The following TLR6 variants were observed in gnomAD, a reference collection of about 807,000 sequenced individuals.
The protein encoded by TLR6 is toll-like receptor 6.
In TLR6, 9 loss-of-function variants were observed where a neutral mutation model predicts 16.1. That is an observed-to-expected ratio of 0.56 (90% CI 0.34 to 0.98). The LOEUF is 0.98. Among genes scored for constraint, TLR6 ranks in the 50% least tolerant of loss-of-function variants. TLR6 has a pLI of 0.02. For missense variants in TLR6, 786 were observed against 921.0 expected (o/e 0.85, Z 1.90); for synonymous variants, 340 against 338.6 (o/e 1.00, Z -0.04).
chr4:38,862,590 ATTTTTTTTTT>A, the TLR6 span, among the ~76,000 whole-genome samples: 5 of 73,718 alleles, frequency 6.8e-5, no homozygotes, highest in Non-Finnish European at 1.2e-4. Flanking sequence ...CCCAATCACC[ATTTTTTTTTT>A]TTTTTTTTTT....
chr4:38,844,108 C>T (rs571786689), intron 1 of TLR6, among the ~76,000 whole-genome samples: 41 of 152,320 alleles, frequency 2.7e-4, no homozygotes, highest in Admixed American at 9.2e-4. Context: ...AAACTTTACA[C>T]TTAGTGATGG....
the TLR6 span, chr4:38,867,642 G>C: frequency 6.6e-6 from 1 of 151,808 alleles, no homozygotes; most frequent in East Asian, 1.9e-4. Flanking sequence ...CAGGAGACTC[G>C]CCCAGCGCGG....
At chr4:38,827,646 C>A (rs367846255) in exon 2 of TLR6, 17 of 1,614,088 alleles carry the variant, frequency 1.1e-5, no homozygotes, top group Non-Finnish European at 1.4e-5. Flanking sequence ...CAGGGCAGAT[C>A]CAAGTAGATG....
At chr4:38,835,251 T>C (rs1347329303) in intron 1 of TLR6, among the ~76,000 whole-genome samples, 1 of 152,018 alleles carries the variant, frequency 6.6e-6, no homozygotes, top group Admixed American at 6.6e-5. Context: ...AAGACACATA[T>C]AGACTGAAAT....
intron 1 of TLR6, among the ~76,000 whole-genome samples, chr4:38,835,820 C>T (rs1395928011): frequency 6.6e-6 from 1 of 152,064 alleles, no homozygotes; most frequent in Non-Finnish European, 1.5e-5. Context: ...ACAAGATGAA[C>T]TTTTGAAACT....
At chr4:38,823,687 T>C (rs1413930206), downstream of TLR6, 3 of 152,244 alleles carry the variant, frequency 2.0e-5, no homozygotes, top group Non-Finnish European at 4.4e-5. Flanking sequence ...TCCTTTTCGC[T>C]TTTTTGTTTT....
chr4:38,840,853 T>C (rs560184483), intron 1 of TLR6, among the ~76,000 whole-genome samples: 1 of 152,234 alleles, frequency 6.6e-6, no homozygotes, highest in Non-Finnish European at 1.5e-5. Flanking sequence ...AAACAAGCAG[T>C]GCCACATCGA....
chr4:38,842,513 G>C (rs185573669), intron 1 of TLR6, among the ~76,000 whole-genome samples: 52 of 152,244 alleles, frequency 3.4e-4, no homozygotes, highest in Non-Finnish European at 5.3e-4. Flanking sequence ...AGAGGGGTGG[G>C]ACTAAAATTA....
intron 1 of TLR6, among the ~76,000 whole-genome samples, chr4:38,840,569 G>T (rs1712206503): frequency 6.6e-6 from 1 of 151,798 alleles, no homozygotes; most frequent in South Asian, 2.1e-4. Context: ...GGGAGGTGGA[G>T]GTTGCAATGA....
At chr4:38,836,998 G>A (rs946445646) in intron 1 of TLR6, among the ~76,000 whole-genome samples, 1 of 149,076 alleles carries the variant, frequency 6.7e-6, no homozygotes, top group African/African-American at 2.5e-5. Flanking sequence ...ATAGCTACAA[G>A]ACAATTACAA....
intron 1 of TLR6, among the ~76,000 whole-genome samples, chr4:38,844,848 G>A (rs1259026074): frequency 6.6e-6 from 1 of 152,140 alleles, no homozygotes; most frequent in Non-Finnish European, 1.5e-5. Context: ...GAGGTAAGGA[G>A]TTCGAGACCA....
At chr4:38,841,188 G>A (rs57549247) in intron 1 of TLR6, among the ~76,000 whole-genome samples, 4,853 of 83,644 alleles carry the variant, frequency 0.058, 229 homozygotes, top group African/African-American at 0.29. Flanking sequence ...TATAAATTTT[G>A]TAAAGACTAT....
upstream of TLR6, among the ~76,000 whole-genome samples, chr4:38,858,869 AAGAAAGAAAGAAAGAAAGAGAGAAAG>A (rs1713123402): frequency 7.2e-6 from 1 of 138,964 alleles, no homozygotes; most frequent in African/African-American, 2.8e-5. Flanking sequence ...GAAAGAAAGA[AAGAAAGAAAGAAAGAAAGAGAGAAAG>A]AAAGAAAGAA....
upstream of TLR6, among the ~76,000 whole-genome samples, chr4:38,860,880 C>T (rs915658244): frequency 2.0e-5 from 3 of 152,122 alleles, no homozygotes; most frequent in African/African-American, 4.8e-5. Context: ...CAGGAGCTCA[C>T]ATACATGTCC....
At chr4:38,858,762 AGAGAGAGAGAGAGG>A (rs1292898259), upstream of TLR6, among the ~76,000 whole-genome samples, 199 of 80,546 alleles carry the variant, frequency 2.5e-3, 2 homozygotes, top group East Asian at 0.015. Context: ...AGAGAGGGAG[AGAGAGAGAGAGAGG>A]GAGAGAGAGA....
chr4:38,832,048 G>T (rs983540505), intron 1 of TLR6, among the ~76,000 whole-genome samples: 2 of 152,156 alleles, frequency 1.3e-5, no homozygotes, highest in Non-Finnish European at 2.9e-5. Flanking sequence ...GCCTCCATGT[G>T]GATGTTTATA....
At chr4:38,833,194 C>T (rs1028117946) in intron 1 of TLR6, among the ~76,000 whole-genome samples, 1 of 152,192 alleles carries the variant, frequency 6.6e-6, no homozygotes, top group African/African-American at 2.4e-5. Flanking sequence ...ACCTGCCCTC[C>T]CACTTGGTCC....
intron 1 of TLR6, among the ~76,000 whole-genome samples, chr4:38,846,808 T>C (rs1360016174): frequency 6.6e-6 from 1 of 152,018 alleles, no homozygotes; most frequent in African/African-American, 2.4e-5. Flanking sequence ...TGTAAGATAG[T>C]TGTCTAATTG....
chr4:38,842,285 GGCT>G (rs1712301151), intron 1 of TLR6, among the ~76,000 whole-genome samples: 3 of 152,174 alleles, frequency 2.0e-5, no homozygotes, highest in African/African-American at 7.2e-5. Flanking sequence ...ACTGGAATGA[GGCT>G]ATATTTATAT....
Sources: allele counts gnomAD v4.1 joint callset (sites outside exome capture counted in the v4.1 genomes callset), GRCh38; gene constraint gnomAD v4.1.1; transcripts MANE v1.5; gene names NCBI Gene and HGNC (gene_info 2026-07-23, HGNC 2026-07-21).